The following TBCE variants were observed in gnomAD, a reference collection of about 807,000 sequenced individuals.
TBCE encodes tubulin folding cofactor E, also known as tubulin-specific chaperone E.
In TBCE, 53 loss-of-function variants were observed where a neutral mutation model predicts 77.0. The observed-to-expected ratio is 0.69, with a 90% confidence interval of 0.55 to 0.87. TBCE has a LOEUF of 0.87. Among genes scored for constraint, TBCE ranks in the 40% least tolerant of loss-of-function variants. TBCE has a pLI of 0.00. For synonymous variants in TBCE, 235 were observed against 241.3 expected, an observed-to-expected ratio of 0.97 and a Z score of 0.24; for missense variants, 624 against 622.4, an observed-to-expected ratio of 1.00 and a Z score of -0.03.
chr1:235,390,983 CT>C (rs1678350504), intron 2 of TBCE, among the ~76,000 whole-genome samples: 1 of 152,018 alleles, frequency 6.6e-6, no homozygotes. Context: ...TTCTTTCTTT[CT>C]TTTGCTGGCA....
At chr1:235,419,962 G>A (rs567597178) in intron 5 of TBCE, among the ~76,000 whole-genome samples, 31 of 152,238 alleles carry the variant, frequency 2.0e-4, no homozygotes, top group Admixed American at 1.3e-3. Flanking sequence ...GCGTGTGCCT[G>A]TAGTCCCAGC....
intron 1 of TBCE, among the ~76,000 whole-genome samples, chr1:235,369,331 A>AC (rs1397000341): frequency 1.3e-5 from 2 of 151,122 alleles, no homozygotes; most frequent in Non-Finnish European, 1.5e-5. Context: ...ACATGGTGAA[A>AC]CCCCGTCTCT....
chr1:235,394,057 T>G (rs1157680764), intron 2 of TBCE, among the ~76,000 whole-genome samples: 1 of 152,180 alleles, frequency 6.6e-6, no homozygotes, highest in Non-Finnish European at 1.5e-5. Flanking sequence ...ACTTAAAATT[T>G]GTAACAAATT....
intron 1 of TBCE, 150 bp from the exon 2 acceptor site, chr1:235,379,869 G>A (rs1291884418): frequency 1.2e-5 from 6 of 493,476 alleles, no homozygotes; most frequent in Non-Finnish European, 2.2e-5. Flanking sequence ...GAACCCTTGA[G>A]CCTGGAAGGT....
In TBCE at chr1:235,381,685, C is replaced by CA. The variant is rs574997840; in HGVS notation, c.100+1563dup. 6.8e-3 allele frequency among the ~76,000 whole-genome samples: 296 copies of CA among 43,214 alleles called. 19 individuals carry two copies. Among genetic ancestry groups the CA allele is most frequent in the Middle Eastern group, 0.02 (1 of 50 alleles). 28.4% of individuals were successfully genotyped at this position (43,214 alleles called of 152,430 possible). ...GGGCGACAGAGCGAGACTCCTTCTC[C>CA]AAAAAAAAAAAAAAAAAAAAAAAAA... On this transcript the variant is annotated intron_variant, in intron 2 of 16. Transcript: ENST00000642610.
chr1:235,439,479 G>C (rs1681691631), intron 13 of TBCE, among the ~76,000 whole-genome samples: 1 of 151,600 alleles, frequency 6.6e-6, no homozygotes, highest in South Asian at 2.1e-4. Flanking sequence ...CTGGGCGACA[G>C]AACGAGACTC....
chr1:235,426,084 C>G (rs1680693949), intron 5 of TBCE, among the ~76,000 whole-genome samples: 1 of 152,170 alleles, frequency 6.6e-6, no homozygotes, highest in African/African-American at 2.4e-5. Flanking sequence ...GAATAATTTC[C>G]ACACATACAC....
intron 3 of TBCE, among the ~76,000 whole-genome samples, chr1:235,402,239 C>A (rs1558363115): frequency 2.6e-5 from 4 of 151,542 alleles, no homozygotes; most frequent in African/African-American, 9.7e-5. Context: ...AATTTCTGTA[C>A]TTTTAGTGGA....
chr1:235,430,932 T>A lies in TBCE; in HGVS notation c.660+128T>A. Reference sequence around the variant, plus strand: ...TTTAAATCATCCCAGTATCTATTAATAGATAACAAGATTCATTAAAGTGCC... The same window carrying A: ...TTTAAATCATCCCAGTATCTATTAAAAGATAACAAGATTCATTAAAGTGCC... On this transcript the variant is annotated intron_variant, in intron 7 of 16. Transcript: ENST00000642610. The A allele has an allele frequency of 1.1e-5, 9 of 802,740 alleles. No homozygotes were observed. The South Asian group carries it at 1.4e-4, about 12-fold the overall frequency. The allele number at this position is 802,740 out of a possible 1,614,324, so 49.7% of individuals were successfully genotyped here.
At chr1:235,422,645 C>T (rs1008372207) in intron 5 of TBCE, among the ~76,000 whole-genome samples, 31 of 152,050 alleles carry the variant, frequency 2.0e-4, no homozygotes, top group African/African-American at 6.8e-4. Flanking sequence ...GCCTGGCCAA[C>T]GCGGTGAAAC....
intron 3 of TBCE, among the ~76,000 whole-genome samples, chr1:235,404,058 C>T (rs1679274366): frequency 6.6e-6 from 1 of 152,180 alleles, no homozygotes; most frequent in African/African-American, 2.4e-5. Flanking sequence ...GCAGGCGGAT[C>T]ACGAGGTCAG....
At chr1:235,437,597 A>G (rs1175062912) in intron 12 of TBCE, 123 bp downstream of exon 12, 8 of 1,163,044 alleles carry the variant, frequency 6.9e-6, no homozygotes, top group Non-Finnish European at 9.7e-6. Context: ...TGATCGCTGC[A>G]GTCCAGGAGT....
rs561648577 is a variant in TBCE at position 235,387,181 on chromosome 1, G to C, written c.100+7032G>C. ...AAGTTTTGTCTCAGAGGAGTACCCG[G>C]CCGTGTGAGGTGTCAGTCTGCCCCT... On this transcript the variant is annotated intron_variant, in intron 2 of 16. Coordinates refer to ENST00000642610, the MANE Select transcript of TBCE (RefSeq NM_003193.5). Among the ~76,000 whole-genome samples the C allele has an allele frequency of 5.4e-3, 826 of 152,288 alleles. 7 individuals carry two copies. Among genetic ancestry groups the C allele is most frequent in the African/African-American group, 0.019 (802 of 41,566 alleles).
intron 8 of TBCE, 64 bp downstream of exon 8, chr1:235,434,344 T>A: frequency 1.4e-6 from 2 of 1,383,240 alleles, no homozygotes; most frequent in Non-Finnish European, 2.1e-6. Flanking sequence ...AAATAAATGG[T>A]CTCAATTATA....
intron 13 of TBCE, among the ~76,000 whole-genome samples, chr1:235,439,186 CTTTTAT>C (rs930886307): frequency 2.4e-4 from 37 of 152,056 alleles, no homozygotes; most frequent in Middle Eastern, 3.4e-3. Flanking sequence ...GAAAGCAATT[CTTTTAT>C]TTTTAAGAGA....
chr1:235,422,536 A>C (rs544513395), intron 5 of TBCE, among the ~76,000 whole-genome samples: 1 of 148,010 alleles, frequency 6.8e-6, no homozygotes, highest in African/African-American at 2.5e-5. Context: ...ACCAAAAAAC[A>C]AAAAACGGGG....
chr1:235,375,478 CTA>C (rs964572382), intron 1 of TBCE, among the ~76,000 whole-genome samples: 7 of 151,932 alleles, frequency 4.6e-5, no homozygotes, highest in African/African-American at 1.7e-4. Context: ...TGACTGGATA[CTA>C]AAATGGGGCT....
chr1:235,367,888 A>C (rs1025636081), intron 1 of TBCE, among the ~76,000 whole-genome samples: 2 of 152,284 alleles, frequency 1.3e-5, no homozygotes, highest in African/African-American at 4.8e-5. Flanking sequence ...AAATAGGTGG[A>C]GAGCACTTAA....
chr1:235,422,969 C>T (rs1680483138), intron 5 of TBCE, among the ~76,000 whole-genome samples: 1 of 152,162 alleles, frequency 6.6e-6, no homozygotes, highest in Non-Finnish European at 1.5e-5. Flanking sequence ...TCCCCCAGGA[C>T]ACGAAGAAAT....
Sources: gnomAD v4.1 joint callset for allele counts (sites outside exome capture counted in the v4.1 genomes callset) on GRCh38, gnomAD v4.1.1 for gene constraint, MANE v1.5 for transcripts, NCBI Gene and HGNC (gene_info 2026-07-23, HGNC 2026-07-21) for gene names.